CDH4: variants seen among roughly 807,000 people sequenced by gnomAD.
CDH4 encodes cadherin-4.
A neutral mutation model predicts 86.0 loss-of-function variants in CDH4; 33 were observed. The observed-to-expected ratio is 0.38, with a 90% confidence interval of 0.29 to 0.51. CDH4 has a LOEUF of 0.51. Among genes scored for constraint, CDH4 ranks in the 20% least tolerant of loss-of-function variants. The pLI is 0.86. For missense variants in CDH4, 1,114 were observed against 1,307.4 expected (o/e 0.85, Z 2.28); for synonymous variants, 555 against 549.4 (o/e 1.01, Z -0.14).
At chr20:61,463,716 C>T (rs1050411132) in intron 2 of CDH4, among the ~76,000 whole-genome samples, 4 of 152,114 alleles carry the variant, frequency 2.6e-5, no homozygotes, top group Non-Finnish European at 5.9e-5. Context: ...TCAAATGGTC[C>T]GGAAAGACTT....
chr20:61,631,574 G>A (rs926936902), intron 2 of CDH4, among the ~76,000 whole-genome samples: 2 of 152,174 alleles, frequency 1.3e-5, no homozygotes, highest in African/African-American at 4.8e-5. Context: ...AACCTCGGGG[G>A]CAGAGGTTGC....
chr20:61,495,393 C>A (rs1271667085), intron 2 of CDH4, among the ~76,000 whole-genome samples: 1 of 152,234 alleles, frequency 6.6e-6, no homozygotes, highest in East Asian at 1.9e-4. Flanking sequence ...TGGAACCCCT[C>A]CCCCCGCCGC....
chr20:61,727,399 G>A (rs959527008), intron 2 of CDH4, among the ~76,000 whole-genome samples: 1 of 151,978 alleles, frequency 6.6e-6, no homozygotes, highest in Non-Finnish European at 1.5e-5. Flanking sequence ...TATCACCATT[G>A]CTGCCATCAT....
intron 2 of CDH4, among the ~76,000 whole-genome samples, chr20:61,700,747 GTCT>G (rs757261224): frequency 2.0e-5 from 3 of 152,176 alleles, no homozygotes; most frequent in Non-Finnish European, 4.4e-5. Flanking sequence ...CTTCATGGGT[GTCT>G]TCTTCATGTC....
At chr20:61,291,940 C>CT (rs2084323699) in intron 2 of CDH4, among the ~76,000 whole-genome samples, 1 of 151,586 alleles carries the variant, frequency 6.6e-6, no homozygotes, top group Non-Finnish European at 1.5e-5. Flanking sequence ...GTGTTTCTTT[C>CT]TTTGTGTTCA....
intron 4 of CDH4, among the ~76,000 whole-genome samples, chr20:61,832,101 G>A (rs1981648826): frequency 6.6e-6 from 1 of 152,242 alleles, no homozygotes. Context: ...AGCCATGGCA[G>A]CTGCTTCAAG....
intron 4 of CDH4, among the ~76,000 whole-genome samples, chr20:61,840,318 C>T (rs909120042): frequency 6.6e-6 from 1 of 152,180 alleles, no homozygotes; most frequent in African/African-American, 2.4e-5. Flanking sequence ...CGGCTTCCAC[C>T]CTTGAAAGCT....
intron 2 of CDH4, among the ~76,000 whole-genome samples, chr20:61,367,064 G>A (rs911035430): frequency 4.6e-5 from 7 of 152,214 alleles, no homozygotes; most frequent in Middle Eastern, 3.4e-3. Context: ...GAGCCATGCC[G>A]GGACTACTCA....
At chr20:61,257,076 A>G (rs1420005840) in intron 2 of CDH4, among the ~76,000 whole-genome samples, 1 of 152,226 alleles carries the variant, frequency 6.6e-6, no homozygotes, top group East Asian at 1.9e-4. Context: ...TTATTCTGGT[A>G]GGAATCAAGT....
At chr20:61,351,702 A>C (rs1342147495) in intron 2 of CDH4, among the ~76,000 whole-genome samples, 1 of 141,934 alleles carries the variant, frequency 7.0e-6, no homozygotes, top group Non-Finnish European at 1.5e-5. Flanking sequence ...ACACTCCTTT[A>C]GTTATTTTTA....
At chr20:61,391,013 A>T (rs1225801131) in intron 2 of CDH4, among the ~76,000 whole-genome samples, 1 of 152,224 alleles carries the variant, frequency 6.6e-6, no homozygotes, top group Non-Finnish European at 1.5e-5. Flanking sequence ...AAGCTGGGGA[A>T]GAGGAGGCAG....
intron 2 of CDH4, among the ~76,000 whole-genome samples, chr20:61,265,643 C>T (rs1435283622): frequency 1.3e-5 from 2 of 152,128 alleles, no homozygotes; most frequent in Non-Finnish European, 2.9e-5. Flanking sequence ...CTTACATGGA[C>T]CTCAATGGTT....
intron 7 of CDH4, among the ~76,000 whole-genome samples, chr20:61,883,419 G>A (rs868825740): frequency 6.6e-6 from 1 of 152,192 alleles, no homozygotes; most frequent in East Asian, 1.9e-4. Flanking sequence ...TCACAGCTCG[G>A]TGGGGGGCAC....
At chr20:61,504,491 G>A (rs2085726468) in intron 2 of CDH4, among the ~76,000 whole-genome samples, 1 of 152,144 alleles carries the variant, frequency 6.6e-6, no homozygotes, top group Non-Finnish European at 1.5e-5. Context: ...GATCTCAACG[G>A]GGGGCAGGGG....
intron 4 of CDH4, among the ~76,000 whole-genome samples, chr20:61,819,769 G>A (rs771303623): frequency 3.9e-5 from 6 of 152,158 alleles, no homozygotes; most frequent in African/African-American, 7.2e-5. Flanking sequence ...TGTGAACTTC[G>A]AGGAGGAAAG....
At chr20:61,610,925 A>G (rs2427183) in intron 2 of CDH4, among the ~76,000 whole-genome samples, 144,891 of 151,980 alleles carry the variant, frequency 0.95, 69,087 homozygotes, top group East Asian at 1. Flanking sequence ...AGGGTGCTGG[A>G]GCTGTGTGGA....
chr20:61,771,378 C>T (rs1767040746), intron 3 of CDH4, among the ~76,000 whole-genome samples: 1 of 151,760 alleles, frequency 6.6e-6, no homozygotes, highest in Non-Finnish European at 1.5e-5. Flanking sequence ...AATCCCAGCA[C>T]TTTGGAAGGC....
chr20:61,422,066 C>G (rs1165624611), intron 2 of CDH4, among the ~76,000 whole-genome samples: 3 of 152,086 alleles, frequency 2.0e-5, no homozygotes, highest in Non-Finnish European at 4.4e-5. Flanking sequence ...GATGTCAGCC[C>G]CAAACGTGTG....
intron 2 of CDH4, among the ~76,000 whole-genome samples, chr20:61,339,828 G>C (rs1166059108): frequency 1.3e-5 from 2 of 152,210 alleles, no homozygotes; most frequent in Non-Finnish European, 2.9e-5. Context: ...TGGAGAATTT[G>C]AGAGGACTCT....
Sources: allele counts gnomAD v4.1 joint callset (sites outside exome capture counted in the v4.1 genomes callset), GRCh38; gene constraint gnomAD v4.1.1; transcripts MANE v1.5; gene names NCBI Gene and HGNC (gene_info 2026-07-23, HGNC 2026-07-21).